Variants in SEC22A observed in about 807,000 individuals in gnomAD.
SEC22A encodes the protein SEC22 homolog A, vesicle trafficking protein.
In SEC22A, 22 loss-of-function variants were observed where a neutral mutation model predicts 35.3. That is an observed-to-expected ratio of 0.62 (90% CI 0.45 to 0.89). The LOEUF is 0.89. SEC22A is among the 40% of genes least tolerant of loss of function. SEC22A has a pLI of 0.00. For synonymous variants in SEC22A, 119 were observed against 129.5 expected (o/e 0.92, Z 0.55); for missense variants, 354 against 362.5 (o/e 0.98, Z 0.19).
intron 2 of SEC22A, among the ~76,000 whole-genome samples, chr3:123,209,722 A>G (rs1217669906): frequency 6.6e-6 from 1 of 152,240 alleles, no homozygotes; most frequent in African/African-American, 2.4e-5. Flanking sequence ...TTTACCTGAT[A>G]TCTGCCCTCA....
intron 5 of SEC22A, among the ~76,000 whole-genome samples, chr3:123,257,754 GC>G (rs773386117): frequency 1.4e-3 from 214 of 152,248 alleles, no homozygotes; most frequent in Middle Eastern, 3.4e-3. Flanking sequence ...ACTTTGGGAG[GC>G]CGAGGCGGGC....
chr3:123,242,123 C>T (rs1363576844), intron 4 of SEC22A, among the ~76,000 whole-genome samples: 1 of 152,132 alleles, frequency 6.6e-6, no homozygotes, highest in Non-Finnish European at 1.5e-5. Context: ...CATCTGCCTT[C>T]CCTGACTCTT....
rs758958858 is a variant in SEC22A at position 123,223,563 on chromosome 3, A to G, written c.187A>G (p.Ile63Val). The G allele has an allele frequency of 1.9e-6, 3 of 1,610,192 alleles. No individual in the cohort carries two copies. The highest frequency in any genetic ancestry group is 2.2e-5 in the South Asian group (2 of 90,268). The change falls in exon 3 of 7, where the codon ATT becomes GTT. Residue 63 changes from isoleucine to valine, a missense_variant. Ile to Val is a conservative substitution (Grantham distance 29). Coordinates refer to ENST00000492595, the MANE Select transcript of SEC22A (RefSeq NM_012430.5). Reference protein sequence around the residue: ...LKTGHYNINFISSLGVSYMML... With the variant: ...LKTGHYNINFVSSLGVSYMML... ...CCAATGTTTTTTACACTGTAGTTTTATTAGCTCTCTGGGAGTGAGCTACAT... is the reference window on the plus strand; with the variant it reads ...CCAATGTTTTTTACACTGTAGTTTTGTTAGCTCTCTGGGAGTGAGCTACAT...
At chr3:123,248,739 T>C (rs563784046) in intron 5 of SEC22A, among the ~76,000 whole-genome samples, 64 of 152,234 alleles carry the variant, frequency 4.2e-4, no homozygotes, top group Non-Finnish European at 7.8e-4. Context: ...CTAAAGTTCA[T>C]ATGGAAAAGC....
chr3:123,223,089 G>GTTC (rs1937157783), intron 2 of SEC22A, among the ~76,000 whole-genome samples: 1 of 152,206 alleles, frequency 6.6e-6, no homozygotes, highest in African/African-American at 2.4e-5. Context: ...ATTCTGGGGT[G>GTTC]TGTCAATGAT....
intron 5 of SEC22A, among the ~76,000 whole-genome samples, chr3:123,258,036 G>A (rs1937781291): frequency 1.3e-5 from 2 of 148,358 alleles, no homozygotes. Flanking sequence ...AGAAAAGAAG[G>A]AGTGATTAAG....
intron 4 of SEC22A, among the ~76,000 whole-genome samples, chr3:123,234,285 A>T (rs1300084419): frequency 6.6e-6 from 1 of 152,230 alleles, no homozygotes; most frequent in East Asian, 1.9e-4. Context: ...TAAAATTCAT[A>T]TGGAAATGCA....
At chr3:123,232,619 G>C (rs895109595) in intron 4 of SEC22A, among the ~76,000 whole-genome samples, 1 of 152,210 alleles carries the variant, frequency 6.6e-6, no homozygotes, top group Non-Finnish European at 1.5e-5. Flanking sequence ...GGCCGAAGCA[G>C]GTAGATGGCT....
chr3:123,228,886 G>A (rs770867977), intron 4 of SEC22A, among the ~76,000 whole-genome samples: 10 of 152,050 alleles, frequency 6.6e-5, no homozygotes, highest in African/African-American at 1.4e-4. Context: ...CTAGAAGGGC[G>A]TAACAATAGA....
chr3:123,250,894 T>A (rs565701893), intron 5 of SEC22A, among the ~76,000 whole-genome samples: 64 of 152,340 alleles, frequency 4.2e-4, no homozygotes, highest in African/African-American at 1.4e-3. Flanking sequence ...ACTGGACAGA[T>A]GGAAAATTGA....
At chr3:123,204,619 A>C (rs1936816617) in intron 1 of SEC22A, 1 of 152,196 alleles carries the variant, frequency 6.6e-6, no homozygotes, top group African/African-American at 2.4e-5. Context: ...CCACTACTAT[A>C]GTAGTTTGGC....
chr3:123,244,948 C>T (rs971572344), intron 4 of SEC22A, among the ~76,000 whole-genome samples: 5 of 152,152 alleles, frequency 3.3e-5, no homozygotes, highest in African/African-American at 1.2e-4. Flanking sequence ...AACTTTTGTG[C>T]TGCTGCAGCC....
chr3:123,256,204 T>C (rs1332015039), intron 5 of SEC22A, among the ~76,000 whole-genome samples: 1 of 152,336 alleles, frequency 6.6e-6, no homozygotes, highest in East Asian at 1.9e-4. Context: ...TTGGTTGTCA[T>C]AGGCCTTTCA....
chr3:123,219,405 G>T (rs1171537188), intron 2 of SEC22A, among the ~76,000 whole-genome samples: 1 of 152,196 alleles, frequency 6.6e-6, no homozygotes. Context: ...GTGAATTAGG[G>T]ATAATTGGTT....
chr3:123,211,832 C>CCGAG (rs1206711203), intron 2 of SEC22A, among the ~76,000 whole-genome samples: 1 of 152,012 alleles, frequency 6.6e-6, no homozygotes, highest in East Asian at 2.0e-4. Flanking sequence ...CTTTGAGAGG[C>CCGAG]CGAGGCAGGC....
intron 6 of SEC22A, among the ~76,000 whole-genome samples, chr3:123,264,724 GT>G (rs1238651693): frequency 6.6e-6 from 1 of 151,614 alleles, no homozygotes. Context: ...CACCTCCCGG[GT>G]TTAAGTGATT....
At chr3:123,250,628 TC>T (rs1172238449) in intron 5 of SEC22A, among the ~76,000 whole-genome samples, 2 of 152,000 alleles carry the variant, frequency 1.3e-5, no homozygotes, top group African/African-American at 2.4e-5. Context: ...GGATAGTAGA[TC>T]CCCAGCCATA....
rs575958513 is a variant in SEC22A, at chr3:123,240,912, A to AT, written c.542-4983dup. Reference sequence around the variant, plus strand: ...TTGTATATTTTTCATCTATTTTATCATTTTCTAGAAAATTTGTCAGTTGCC... The same window carrying AT: ...TTGTATATTTTTCATCTATTTTATCATTTTTCTAGAAAATTTGTCAGTTGCC... On this transcript the variant is annotated intron_variant, in intron 4 of 6. Coordinates refer to ENST00000492595, the MANE Select transcript of SEC22A (RefSeq NM_012430.5). Among the ~76,000 whole-genome samples the AT allele has an allele frequency of 2.1e-3, 315 of 150,374 alleles. 1 individual carries two copies. Among genetic ancestry groups the AT allele is most frequent in the African/African-American group, 7.5e-3 (308 of 40,852 alleles).
chr3:123,208,891 T>G (rs1576482414), intron 1 of SEC22A: 2 of 264,906 alleles, frequency 7.5e-6, no homozygotes, highest in South Asian at 4.1e-5. Flanking sequence ...GCCTCCCGGG[T>G]TCAAGCAATT....
Sources: allele counts gnomAD v4.1 joint callset (sites outside exome capture counted in the v4.1 genomes callset), GRCh38; gene constraint gnomAD v4.1.1; transcripts MANE v1.5; gene names NCBI Gene and HGNC (gene_info 2026-07-23, HGNC 2026-07-21).